ZFHX4: variants seen among roughly 807,000 people sequenced by gnomAD.
ZFHX4 encodes the protein zinc finger homeobox protein 4.
In ZFHX4, 56 loss-of-function variants were observed where a neutral mutation model predicts 267.6. The observed-to-expected ratio is 0.21, with a 90% CI of 0.17 to 0.26. The LOEUF is 0.26. Among genes scored for constraint, ZFHX4 ranks in the 10% least tolerant of loss-of-function variants. The pLI, the probability that ZFHX4 is intolerant of heterozygous loss-of-function variation, is 1.00. For synonymous variants in ZFHX4, 1,778 were observed against 1,665.6 expected (o/e 1.07, Z -1.64); for missense variants, 4,332 against 4,420.0 (o/e 0.98, Z 0.56).
intron 3 of ZFHX4, among the ~76,000 whole-genome samples, chr8:76,756,183 CTTTCATGT>C (rs1194146690): frequency 6.6e-6 from 1 of 152,110 alleles, no homozygotes; most frequent in African/African-American, 2.4e-5. Context: ...TCATTTTTAT[CTTTCATGT>C]TTTTATTGGC....
Position 76,778,335 on chromosome 8 carries a change from C to T in ZFHX4, c.3221C>T (p.Thr1074Ile). Residue 1074 changes from threonine to isoleucine, a missense_variant, in exon 4 of 11, where the codon ACT (threonine) becomes ATT (isoleucine). Physicochemically the swap from Thr to Ile is moderately conservative, Grantham distance 89. This residue lies in a region of ZFHX4 where 1,371 missense variants were observed against 1,423.1 expected (regional missense o/e 0.96). Coordinates refer to ENST00000651372, the MANE Select transcript of ZFHX4 (RefSeq NM_024721.5). ...GTCCGTTCGGTGAAGCATCAGCAGA[C>T]TGAGGGCCTACGGAAGCTCCAGCTC... ...QHVRSVKHQQ[T>I]EGLRKLQLHQ... is the part of the protein sequence containing the mutation. 1 of 1,613,884 alleles carries T rather than the reference C, an allele frequency of 6.2e-7. No individual in the cohort carries two copies. The highest frequency in any genetic ancestry group is 8.5e-7 in the Non-Finnish European group (1 of 1,179,826).
chr8:76,848,761 G>A (rs888924009), intron 6 of ZFHX4, among the ~76,000 whole-genome samples: 1 of 151,986 alleles, frequency 6.6e-6, no homozygotes, highest in Non-Finnish European at 1.5e-5. Flanking sequence ...GGCCACCTAG[G>A]GTTATCTAAA....
chr8:76,810,246 C>A (rs920852128), intron 4 of ZFHX4, among the ~76,000 whole-genome samples: 1 of 152,138 alleles, frequency 6.6e-6, no homozygotes, highest in African/African-American at 2.4e-5. Flanking sequence ...AAAAGGGAAG[C>A]TTTAAAAGAA....
chr8:76,782,610 T>G (rs1810580528), intron 4 of ZFHX4, among the ~76,000 whole-genome samples: 1 of 151,950 alleles, frequency 6.6e-6, no homozygotes, highest in Non-Finnish European at 1.5e-5. Flanking sequence ...CAACTGGATA[T>G]CTGTACAAAA....
At chr8:76,778,115 C>A in intron 3 of ZFHX4, 93 bp from the exon 4 acceptor site, 2 of 819,828 alleles carry the variant, frequency 2.4e-6, no homozygotes, top group South Asian at 2.8e-5. Flanking sequence ...ATCTGTGTAA[C>A]CAATGTTTAT....
intron 4 of ZFHX4, among the ~76,000 whole-genome samples, chr8:76,779,049 A>G (rs1810479185): frequency 6.6e-6 from 1 of 152,190 alleles, no homozygotes; most frequent in African/African-American, 2.4e-5. Flanking sequence ...TGTTCCCTAA[A>G]GTGTCCTGTT....
intron 4 of ZFHX4, among the ~76,000 whole-genome samples, chr8:76,800,459 G>A (rs888825596): frequency 1.3e-5 from 2 of 152,164 alleles, no homozygotes; most frequent in African/African-American, 4.8e-5. Flanking sequence ...CTTGAAGATA[G>A]GCATTTCCTC....
chr8:76,797,914 G>GTGTGTCTGTGTGTCTGTGTGTA, intron 4 of ZFHX4, among the ~76,000 whole-genome samples: 1 of 151,196 alleles, frequency 6.6e-6, no homozygotes, highest in East Asian at 1.9e-4. Flanking sequence ...GTGTGTGTGT[G>GTGTGTCTGTGTGTCTGTGTGTA]TGTGTCTGTG....
At chr8:76,835,231 A>ATATATG (rs1554572166) in intron 5 of ZFHX4, among the ~76,000 whole-genome samples, 1,390 of 124,760 alleles carry the variant, frequency 0.011, 46 homozygotes, top group African/African-American at 0.035. Flanking sequence ...ATATATATAT[A>ATATATG]TATATATATG....
Position 76,705,279 on chromosome 8 carries a change from G to T in ZFHX4, c.1191G>T (p.Gly397=). ...STSSSAEQPL[G]ITQMPKAEVN... ...CGAGCTCAGCAGAGCAGCCGCTGGG[G>T]ATTACCCAAATGCCAAAGGCTGAAG... The change falls in exon 2 of 11, where the codon GGG becomes GGT. Residue 397 remains glycine (G), a synonymous_variant. Coordinates refer to ENST00000651372, the MANE Select transcript of ZFHX4 (RefSeq NM_024721.5). The T allele has an allele frequency of 2.5e-6, 4 of 1,614,002 alleles. No individual in the cohort carries two copies. The highest frequency in any genetic ancestry group is 1.7e-5 in the Admixed American group (1 of 60,032).
intron 3 of ZFHX4, among the ~76,000 whole-genome samples, chr8:76,754,737 A>G (rs1809718772): frequency 6.6e-6 from 1 of 152,134 alleles, no homozygotes; most frequent in Admixed American, 6.6e-5. Context: ...TTCTGAACAT[A>G]TGGTCACTTA....
chr8:76,853,074 T>G lies in ZFHX4; in HGVS notation c.6153T>G (p.Pro2051=). 2.2e-6 allele frequency: 1 copy of G among 447,830 alleles called. No individual in the cohort carries two copies. 27.7% of individuals were successfully genotyped at this position (447,830 alleles called of 1,614,324 possible). A position where few individuals can be genotyped will look rare whatever the true frequency, so the allele number is the denominator to read the frequency against. ...TPPPPPPPPP[P]PPPPPPPPPP... is the part of the protein sequence containing the mutation. ...CCCCACCACCACCACCTCCTCCTCC[T>G]CCTCCTCCTCCCCCCCCACCTCCTC... Residue 2051 remains proline (P), a synonymous_variant, in exon 10 of 11, where the codon CCT becomes CCG. Transcript: ENST00000651372.
intron 4 of ZFHX4, among the ~76,000 whole-genome samples, chr8:76,825,998 G>A (rs1237839781): frequency 6.6e-6 from 1 of 152,168 alleles, no homozygotes; most frequent in Non-Finnish European, 1.5e-5. Context: ...TCACTCTGAA[G>A]AAATATCTGA....
chr8:76,796,615 C>A (rs988049414), intron 4 of ZFHX4, among the ~76,000 whole-genome samples: 1 of 152,136 alleles, frequency 6.6e-6, no homozygotes. Context: ...TACCGTAATA[C>A]TTCAGTGGCT....
rs1334398552 is a variant in ZFHX4 at position 76,864,408 on chromosome 8, A to C, written c.10694A>C (p.Gln3565Pro). 6.2e-7 allele frequency: 1 copy of C among 1,613,844 alleles called. No homozygotes were observed. The highest frequency in any genetic ancestry group is 1.1e-5 in the South Asian group (1 of 91,078). ...AGTTTGTGCAGCACCTCAGGGGTTC[A>C]AACCTCACTACCCACAGAAAGTTGT... ...TSSLCSTSGV[Q>P]TSLPTESCSD... Residue 3565 changes from glutamine (Q) to proline (P), a missense_variant, in exon 11 of 11, where the codon CAA (glutamine) becomes CCA (proline). Physicochemically the swap from Gln to Pro is moderately conservative, Grantham distance 76. This residue lies in a region of ZFHX4 where 1,648 missense variants were observed against 1,625.0 expected (regional missense o/e 1.01). Transcript: ENST00000651372.
intron 3 of ZFHX4, among the ~76,000 whole-genome samples, chr8:76,727,568 C>T (rs1808885452): frequency 6.6e-6 from 1 of 152,098 alleles, no homozygotes. Flanking sequence ...AGCACAGAAA[C>T]TTTAGAGCCT....
At chr8:76,742,927 A>C (rs1181676749) in intron 3 of ZFHX4, among the ~76,000 whole-genome samples, 1 of 151,488 alleles carries the variant, frequency 6.6e-6, no homozygotes, top group Non-Finnish European at 1.5e-5. Context: ...TGTGTCCTAT[A>C]ATTCTTGTTA....
Position 76,820,115 on chromosome 8 carries a change from A to G in ZFHX4, c.3326-13223A>G, listed in dbSNP as rs142995670. Among the ~76,000 whole-genome samples, 169 of 152,288 alleles carry G rather than the reference A, an allele frequency of 1.1e-3. 1 individual carries two copies. Among genetic ancestry groups the G allele is most frequent in the African/African-American group, 3.9e-3 (161 of 41,560 alleles). ...AACAGCATTGTTAAAAATCCTCCAA[A>G]GGGAATTCTGCCTTTGGCTGAAATT... On this transcript the variant is annotated intron_variant, in intron 4 of 10. Transcript: ENST00000651372.
Position 76,706,682 on chromosome 8 carries a change from A to G in ZFHX4, c.2590+4A>G. 6.4e-7 allele frequency: 1 copy of G among 1,562,074 alleles called. No homozygotes were observed. Among genetic ancestry groups the G allele is most frequent in the Non-Finnish European group, 8.6e-7 (1 of 1,157,896 alleles). ...GCGGCTTTGGCACCAGGGCTCGGTT[A>G]GTATTTCCTGCTTTTCTGCACTGTT... On this transcript the variant is annotated splice_donor_region_variant and intron_variant, in intron 2 of 10. Transcript: ENST00000651372.
Sources: gnomAD v4.1 joint callset for allele counts (sites outside exome capture counted in the v4.1 genomes callset) on GRCh38, gnomAD v4.1.1 for gene constraint, gnomAD v4.1.1 regional missense constraint, MANE v1.5 for transcripts, NCBI Gene and HGNC (gene_info 2026-07-23, HGNC 2026-07-21) for gene names.